The following CRISPLD2 variants were observed in gnomAD, a reference collection of about 807,000 sequenced individuals.
CRISPLD2 encodes the protein cysteine-rich secretory protein LCCL domain-containing 2.
A neutral mutation model predicts 71.1 loss-of-function variants in CRISPLD2; 47 were observed. The observed-to-expected ratio is 0.66, with a 90% CI of 0.52 to 0.84. CRISPLD2 has a LOEUF of 0.84. Among genes scored for constraint, CRISPLD2 ranks in the 40% least tolerant of loss-of-function variants. The pLI is 0.00. For missense variants in CRISPLD2, 830 were observed against 651.1 expected, an observed-to-expected ratio of 1.27 and a Z score of -2.99; for synonymous variants, 317 against 250.1, an observed-to-expected ratio of 1.27 and a Z score of -2.52.
chr16:84,904,077 T>C (rs921532541), intron 14 of CRISPLD2, among the ~76,000 whole-genome samples: 3 of 152,174 alleles, frequency 2.0e-5, no homozygotes, highest in Non-Finnish European at 2.9e-5. Flanking sequence ...GCAGTTATCA[T>C]CTGGGGCAGA....
intron 5 of CRISPLD2, among the ~76,000 whole-genome samples, chr16:84,854,391 C>T (rs1052285046): frequency 2.0e-5 from 3 of 151,668 alleles, no homozygotes; most frequent in East Asian, 1.9e-4. Context: ...AGCTTTTCAG[C>T]GCTAAGGTGT....
At chr16:84,838,788 A>G (rs1211237501) in intron 2 of CRISPLD2, 53 bp downstream of exon 2, 5 of 1,562,226 alleles carry the variant, frequency 3.2e-6, no homozygotes, top group Non-Finnish European at 4.3e-6. Flanking sequence ...GGCCTGGGCC[A>G]CCAGCCTGCT....
rs112621502 is a variant in CRISPLD2, at chr16:84,881,995, G to C, written c.1305+1411G>C. 2.0e-3 allele frequency among the ~76,000 whole-genome samples: 302 copies of C among 151,936 alleles called. 2 individuals are homozygous for C. Among genetic ancestry groups the C allele is most frequent in the African/African-American group, 7.0e-3 (289 of 41,444 alleles). ...TTTAAATGGGTCTTTTTTTCTTCTT[G>C]AAAGTGATTCAGCTAAAATTGAGTT... On this transcript the variant is annotated intron_variant, in intron 13 of 14. Transcript: ENST00000262424.
chr16:84,906,716 T>G lies in CRISPLD2; in HGVS notation c.*74T>G, dbSNP rs746334368. On this transcript the variant is annotated 3_prime_UTR_variant, in exon 15 of 15. Coordinates refer to ENST00000262424, the MANE Select transcript of CRISPLD2 (RefSeq NM_031476.4). ...TTTGCTTTTATTTTTATTTTGTCATTGCGGGGTATATGGAGAGTCAGGAAA... is the reference window on the plus strand; with the variant it reads ...TTTGCTTTTATTTTTATTTTGTCATGGCGGGGTATATGGAGAGTCAGGAAA... 1 of 1,534,390 alleles carries G rather than the reference T, an allele frequency of 6.5e-7. No individual in the cohort carries two copies. Among genetic ancestry groups the G allele is most frequent in the Non-Finnish European group, 9.0e-7 (1 of 1,107,884 alleles).
At chr16:84,864,024 C>G (rs1010236766) in intron 6 of CRISPLD2, among the ~76,000 whole-genome samples, 15 of 138,218 alleles carry the variant, frequency 1.1e-4, no homozygotes, top group African/African-American at 4.1e-4. Context: ...AAGAAAAATG[C>G]ATGCCGGGGA....
chr16:84,881,446 C>T (rs1273976190), intron 13 of CRISPLD2, among the ~76,000 whole-genome samples: 1 of 152,092 alleles, frequency 6.6e-6, no homozygotes, highest in Non-Finnish European at 1.5e-5. Flanking sequence ...TCTGGTTGTC[C>T]AGGGTTTGGG....
intron 6 of CRISPLD2, among the ~76,000 whole-genome samples, chr16:84,865,666 A>G (rs948442436): frequency 6.6e-6 from 1 of 152,150 alleles, no homozygotes; most frequent in Non-Finnish European, 1.5e-5. Flanking sequence ...CCCAGCAGAT[A>G]TGCTCGTGAA....
At chr16:84,885,387 G>T (rs544286689) in intron 13 of CRISPLD2, among the ~76,000 whole-genome samples, 1 of 152,368 alleles carries the variant, frequency 6.6e-6, no homozygotes, top group African/African-American at 2.4e-5. Context: ...AGCTCTTTGA[G>T]AATTGAGAAG....
At chr16:84,906,072 A>G (rs2143399873) in intron 14 of CRISPLD2, among the ~76,000 whole-genome samples, 1 of 152,144 alleles carries the variant, frequency 6.6e-6, no homozygotes, top group African/African-American at 2.4e-5. Flanking sequence ...GTGAGAGGGC[A>G]GTTTTTACTA....
intron 9 of CRISPLD2, 49 bp downstream of exon 9, chr16:84,872,557 C>T (rs369203821): frequency 2.0e-6 from 3 of 1,491,916 alleles, no homozygotes; most frequent in Admixed American, 1.8e-5. Context: ...GATCCTGTTG[C>T]ATATGTTTAA....
chr16:84,907,036 G>A lies in CRISPLD2; in HGVS notation c.*394G>A. The A allele has an allele frequency of 4.2e-6, 1 of 240,574 alleles. No homozygotes were observed. Among genetic ancestry groups the A allele is most frequent in the Non-Finnish European group, 8.2e-6 (1 of 121,820 alleles). The allele number at this position is 240,574 out of a possible 1,614,324, so 14.9% of individuals were successfully genotyped here. ...CAAACCATTTGAAGCTCACAATTGTGAAGCATTCACGGCGTCGGAAGAGGC... is the reference window on the plus strand; with the variant it reads ...CAAACCATTTGAAGCTCACAATTGTAAAGCATTCACGGCGTCGGAAGAGGC... On this transcript the variant is annotated 3_prime_UTR_variant, in exon 15 of 15. Transcript: ENST00000262424.
intron 14 of CRISPLD2, among the ~76,000 whole-genome samples, chr16:84,904,123 G>A (rs1421623496): frequency 6.6e-6 from 1 of 152,210 alleles, no homozygotes; most frequent in Non-Finnish European, 1.5e-5. Context: ...GACAGCCGTG[G>A]TGGCCCTTGG....
At chr16:84,822,450 G>A (rs1203018192) in intron 1 of CRISPLD2, among the ~76,000 whole-genome samples, 1 of 152,174 alleles carries the variant, frequency 6.6e-6, no homozygotes, top group Non-Finnish European at 1.5e-5. Flanking sequence ...TTTGGCCTGT[G>A]GGAACTGGAA....
At chr16:84,833,423 G>A (rs8050497) in intron 1 of CRISPLD2, among the ~76,000 whole-genome samples, 27,020 of 152,082 alleles carry the variant, frequency 0.18, 2,569 homozygotes, top group Middle Eastern at 0.24. Flanking sequence ...GTGTTGTCCC[G>A]CGGTCCCTAG....
intron 12 of CRISPLD2, among the ~76,000 whole-genome samples, chr16:84,879,626 T>G (rs1338887763): frequency 6.6e-6 from 1 of 152,124 alleles, no homozygotes; most frequent in African/African-American, 2.4e-5. Context: ...CCTCCCAAAG[T>G]GCTGGGATCA....
At chr16:84,827,082 C>T (rs566354802) in intron 1 of CRISPLD2, among the ~76,000 whole-genome samples, 1 of 152,200 alleles carries the variant, frequency 6.6e-6, no homozygotes, top group East Asian at 1.9e-4. Flanking sequence ...TAGCCCCGGT[C>T]ACAGCAGAGC....
At chr16:84,856,886 A>G (rs1427655158) in intron 6 of CRISPLD2, among the ~76,000 whole-genome samples, 1 of 152,202 alleles carries the variant, frequency 6.6e-6, no homozygotes, top group East Asian at 1.9e-4. Flanking sequence ...TGCTGTGTGG[A>G]ATACTATGAC....
chr16:84,904,026 C>G (rs536504423), intron 14 of CRISPLD2, among the ~76,000 whole-genome samples: 2 of 152,310 alleles, frequency 1.3e-5, no homozygotes, highest in South Asian at 4.1e-4. Context: ...CAGTATCAAA[C>G]CTGGTGGCCA....
intron 10 of CRISPLD2, 27 bp from the exon 11 acceptor site, chr16:84,873,893 G>GTTTTT: frequency 1.5e-5 from 21 of 1,419,528 alleles, no homozygotes; most frequent in Admixed American, 4.6e-5. Context: ...CCTAATGCCC[G>GTTTTT]TTTTTTTTTT....
Sources: gnomAD v4.1 joint callset for allele counts (sites outside exome capture counted in the v4.1 genomes callset) on GRCh38, gnomAD v4.1.1 for gene constraint, MANE v1.5 for transcripts, NCBI Gene and HGNC (gene_info 2026-07-23, HGNC 2026-07-21) for gene names.